MALRD1: variants seen among roughly 807,000 people sequenced by gnomAD.
The protein encoded by MALRD1 is MAM and LDL-receptor class A domain-containing protein 1.
Under a neutral mutation model 242.1 loss-of-function variants are expected in MALRD1, and 247 were observed. The ratio of observed to expected loss-of-function variants is 1.02; its 90% CI spans 0.92 to 1.13. MALRD1 has a LOEUF of 1.13. Ranked by LOEUF, MALRD1 falls within the 50% of genes most tolerant of loss-of-function variation. The pLI, the probability that MALRD1 is intolerant of heterozygous loss-of-function variation, is 0.00. For missense variants in MALRD1, 2,989 were observed against 2,533.1 expected (o/e 1.18, Z -3.86); for synonymous variants, 995 against 866.6 (o/e 1.15, Z -2.60).
chr10:19,643,136 A>G (rs960610297), intron 36 of MALRD1, among the ~76,000 whole-genome samples: 1 of 152,126 alleles, frequency 6.6e-6, no homozygotes, highest in Non-Finnish European at 1.5e-5. Flanking sequence ...TGTGGGTAAA[A>G]TAAAAATTGT....
At position 19,173,751 on chromosome 10, in the gene MALRD1, C is replaced by G. The variant is rs548182267; in HGVS notation, c.1831-1457C>G. Among the ~76,000 whole-genome samples the G allele has an allele frequency of 7.3e-4, 111 of 152,286 alleles. 1 individual carries two copies. The highest frequency in any genetic ancestry group is 1.6e-3 in the Admixed American group (25 of 15,298). The stretch of plus-strand genomic sequence containing the variant: ...TTGGTATCATGGAGGCTTACTATTA[C>G]TTCTCCACCAAATCTTTTCCCAAAC... On this transcript the variant is annotated intron_variant, in intron 13 of 39. Transcript: ENST00000454679.
intron 38 of MALRD1, among the ~76,000 whole-genome samples, chr10:19,721,034 A>G (rs1415578285): frequency 6.6e-6 from 1 of 151,324 alleles, no homozygotes; most frequent in Non-Finnish European, 1.5e-5. Context: ...AAAAAAAAAT[A>G]AAAGAACATT....
At chr10:19,235,496 C>G (rs1838270659) in intron 18 of MALRD1, among the ~76,000 whole-genome samples, 1 of 149,652 alleles carries the variant, frequency 6.7e-6, no homozygotes, top group Non-Finnish European at 1.5e-5. Context: ...TTTAAGTTCC[C>G]TGTAGATTCT....
chr10:19,673,155 G>A (rs1841998029), intron 36 of MALRD1, among the ~76,000 whole-genome samples: 1 of 152,050 alleles, frequency 6.6e-6, no homozygotes, highest in Admixed American at 6.6e-5. Flanking sequence ...GGCTGAGGAG[G>A]GCAGATCCCG....
intron 26 of MALRD1, among the ~76,000 whole-genome samples, chr10:19,364,330 A>T (rs548774874): frequency 4.5e-4 from 68 of 152,266 alleles, no homozygotes; most frequent in African/African-American, 1.6e-3. Context: ...GATTGGTAGG[A>T]ATGAAATCAT....
chr10:19,320,588 T>A (rs1842880112), intron 21 of MALRD1, among the ~76,000 whole-genome samples: 1 of 152,198 alleles, frequency 6.6e-6, no homozygotes, highest in Non-Finnish European at 1.5e-5. Flanking sequence ...AAATACCCAG[T>A]AATGGGATTG....
At chr10:19,271,437 G>C (rs1840235348) in intron 19 of MALRD1, among the ~76,000 whole-genome samples, 1 of 152,158 alleles carries the variant, frequency 6.6e-6, no homozygotes, top group Non-Finnish European at 1.5e-5. Context: ...GGACCTCCCT[G>C]ATGTTTACTA....
At position 19,099,331 on chromosome 10, in the gene MALRD1, G is replaced by A. The variant is rs567071729; in HGVS notation, c.598-4648G>A. Among the ~76,000 whole-genome samples the A allele has an allele frequency of 1.1e-4, 17 of 152,210 alleles. No homozygotes were observed. In the East Asian group the frequency reaches 2.9e-3, roughly 26 times the overall value. On this transcript the variant is annotated intron_variant, in intron 4 of 39. Transcript: ENST00000454679. ...TATCTGCCTAAATAATTTCTTTCTA[G>A]CTCCTGTATCAATGCCATCCAGATA...
chr10:19,176,062 C>G (rs966508815), intron 14 of MALRD1, among the ~76,000 whole-genome samples: 3 of 152,138 alleles, frequency 2.0e-5, no homozygotes, highest in Non-Finnish European at 4.4e-5. Flanking sequence ...CTCCTACCCT[C>G]AGATCTCAAT....
chr10:19,311,225 C>T (rs576867459), intron 21 of MALRD1, among the ~76,000 whole-genome samples: 1 of 151,462 alleles, frequency 6.6e-6, no homozygotes, highest in South Asian at 2.1e-4. Flanking sequence ...ATTCTTAACT[C>T]ATGCACAGAT....
At chr10:19,247,915 A>G (rs1839135185) in intron 18 of MALRD1, among the ~76,000 whole-genome samples, 1 of 152,090 alleles carries the variant, frequency 6.6e-6, no homozygotes, top group Non-Finnish European at 1.5e-5. Flanking sequence ...AACCAGGAGA[A>G]GTTCAGAGAG....
intron 36 of MALRD1, among the ~76,000 whole-genome samples, chr10:19,689,312 C>G (rs192207398): frequency 6.6e-6 from 1 of 152,020 alleles, no homozygotes; most frequent in African/African-American, 2.4e-5. Flanking sequence ...ACCTTAGTTA[C>G]CTCGGGAGGA....
intron 32 of MALRD1, among the ~76,000 whole-genome samples, chr10:19,539,767 G>C (rs1394092517): frequency 6.6e-6 from 1 of 150,822 alleles, no homozygotes; most frequent in African/African-American, 2.4e-5. Context: ...ACTCACTGCA[G>C]TCTCAACCTC....
At chr10:19,273,503 T>C (rs915661836) in intron 19 of MALRD1, among the ~76,000 whole-genome samples, 3 of 152,130 alleles carry the variant, frequency 2.0e-5, no homozygotes, top group African/African-American at 2.4e-5. Context: ...CTTCAGTAGA[T>C]AAATAGGTAA....
In MALRD1 at chr10:19,595,379, A is replaced by G. The variant is rs1451221444; in HGVS notation, c.5866A>G (p.Thr1956Ala). Residue 1956 changes from threonine (T) to alanine (A), a missense_variant, in exon 34 of 40, where the codon ACA (threonine) becomes GCA (alanine). Thr to Ala is a moderately conservative substitution (Grantham distance 58). Coordinates refer to ENST00000454679, the MANE Select transcript of MALRD1 (RefSeq NM_001142308.3). ...LCSNMEFPCSTDECIPSLLLC... is the reference protein window; with the variant it reads ...LCSNMEFPCSADECIPSLLLC... The stretch of plus-strand genomic sequence containing the variant: ...TAGTAACATGGAGTTCCCGTGCTCT[A>G]CAGACGAGTGTATACCTTCCCTCCT... 3 of 1,550,524 alleles carry G rather than the reference A, an allele frequency of 1.9e-6. No homozygotes were observed. Among genetic ancestry groups the G allele is most frequent in the East Asian group, 4.9e-5 (2 of 40,892 alleles).
At chr10:19,191,725 C>G (rs71497269) in intron 14 of MALRD1, among the ~76,000 whole-genome samples, 4,125 of 152,140 alleles carry the variant, frequency 0.027, 146 homozygotes, top group East Asian at 0.13. Flanking sequence ...TGGCCGGGTG[C>G]GGTTACTCAC....
intron 28 of MALRD1, among the ~76,000 whole-genome samples, chr10:19,401,955 C>G (rs1337602757): frequency 3.3e-5 from 5 of 152,138 alleles, no homozygotes; most frequent in African/African-American, 1.2e-4. Flanking sequence ...CTTACATAAA[C>G]CCAACAAGAA....
Position 19,205,202 on chromosome 10 carries a change from G to C in MALRD1, c.2515G>C (p.Glu839Gln). The C allele has an allele frequency of 6.4e-7, 1 of 1,551,066 alleles. No homozygotes were observed. Among genetic ancestry groups the C allele is most frequent in the Non-Finnish European group, 8.7e-7 (1 of 1,147,074 alleles). The part of the protein sequence containing the change: ...FWCRHTRACI[E>Q]KLRLCDLVDD... The stretch of plus-strand genomic sequence containing the variant: ...GTGTCGCCACACCAGGGCTTGCATA[G>C]AAAAGCTTCGGTTATGTGATCTGGT... The change falls in exon 17 of 40, where the codon GAA (glutamate) becomes CAA (glutamine). Residue 839 changes from glutamate (E) to glutamine (Q), a missense_variant. Physicochemically the swap from Glu to Gln is conservative, Grantham distance 29. Transcript: ENST00000454679.
intron 28 of MALRD1, among the ~76,000 whole-genome samples, chr10:19,404,518 A>G (rs989516898): frequency 1.3e-5 from 2 of 152,068 alleles, no homozygotes; most frequent in Non-Finnish European, 2.9e-5. Flanking sequence ...CCACAAATAT[A>G]TGTGTTTTTT....
Sources: allele counts gnomAD v4.1 joint callset (sites outside exome capture counted in the v4.1 genomes callset), GRCh38; gene constraint gnomAD v4.1.1; transcripts MANE v1.5; gene names NCBI Gene and HGNC (gene_info 2026-07-23, HGNC 2026-07-21).